Variants in PIEZO1 observed in about 807,000 individuals in gnomAD.
PIEZO1 encodes piezo type mechanosensitive ion channel component 1 (Er blood group).
PIEZO1 carries 296 observed loss-of-function variants against 297.2 expected under a neutral mutation model. The ratio of observed to expected loss-of-function variants is 1.00; its 90% CI spans 0.91 to 1.10. PIEZO1 has a LOEUF of 1.10. PIEZO1 is among the 50% of genes least tolerant of loss of function. The probability of loss-of-function intolerance (pLI) is 0.00; values close to 1 mark genes in which losing one functional copy is unlikely to be tolerated. For missense variants in PIEZO1, 5,018 were observed against 3,455.5 expected, an observed-to-expected ratio of 1.45 and a Z score of -11.34; for synonymous variants, 2,427 against 1,507.5, an observed-to-expected ratio of 1.61 and a Z score of -14.13.
rs767394155 is a variant in PIEZO1 at position 88,721,528 on chromosome 16, TCA to T, written c.5403+8_5403+9del. 21 of 1,546,924 alleles carry T rather than the reference TCA, an allele frequency of 1.4e-5. No homozygotes were observed. The East Asian group carries it at 4.4e-4, about 32-fold the overall frequency. The stretch of plus-strand genomic sequence containing the variant: ...CCAGCCCCGCATTGCCAGCCAAGGC[TCA>T]CACTCACCAGCAGCTGGGAGCGGTG... On this transcript the variant is annotated splice_region_variant and intron_variant, in intron 38 of 50. Coordinates refer to ENST00000301015, the MANE Select transcript of PIEZO1 (RefSeq NM_001142864.4).
rs142626188 is a variant in PIEZO1 at position 88,783,727 on chromosome 16, TC to T, written c.64+1173del. ...GAAGAGAGTTGCTCAAAACCTCTCC[TC>T]TCCAGCCTCAATGGTTTTCATTGAT... On this transcript the variant is annotated intron_variant, in intron 1 of 50. Coordinates refer to ENST00000301015, the MANE Select transcript of PIEZO1 (RefSeq NM_001142864.4). 1.9e-3 allele frequency among the ~76,000 whole-genome samples: 292 copies of T among 152,300 alleles called. 1 individual carries two copies. The highest frequency in any genetic ancestry group is 6.6e-3 in the African/African-American group (276 of 41,558).
At chr16:88,727,287 G>A (rs538682027) in intron 23 of PIEZO1, 95 bp from the exon 24 acceptor site, 65 of 1,356,636 alleles carry the variant, frequency 4.8e-5, no homozygotes, top group African/African-American at 3.1e-4. Context: ...GCCTGTCGGC[G>A]TGCAGCCGCT....
In PIEZO1 at chr16:88,723,275, C is replaced by T; in HGVS notation, c.4389G>A (p.Gln1463=). 4 of 1,542,754 alleles carry T rather than the reference C, an allele frequency of 2.6e-6. No homozygotes were observed. The highest frequency in any genetic ancestry group is 3.5e-6 in the Non-Finnish European group (4 of 1,146,796). The change falls in exon 32 of 51, where the codon CAG becomes CAA. Residue 1463 remains glutamine, a synonymous_variant. Coordinates refer to ENST00000301015, the MANE Select transcript of PIEZO1 (RefSeq NM_001142864.4). ...TNAQAVLRRR[Q]QEQEQARQEQ... ...CCTGCCTTGCCTGCTCCTGCTCCTG[C>T]TGCCGCCGCCTCAGCACCGCCTGGG...
chr16:88,783,775 C>G (rs1250145048), intron 1 of PIEZO1, among the ~76,000 whole-genome samples: 1 of 152,216 alleles, frequency 6.6e-6, no homozygotes, highest in East Asian at 1.9e-4. Flanking sequence ...AAATCTTCCC[C>G]AAGTTTCACC....
At chr16:88,743,267 C>T (rs779643218) in intron 2 of PIEZO1, 2 of 456,506 alleles carry the variant, frequency 4.4e-6, no homozygotes, top group African/African-American at 2.0e-5. Flanking sequence ...CACATGTGGA[C>T]AGCTCACCCT....
intron 12 of PIEZO1, 59 bp from the exon 13 acceptor site, chr16:88,735,305 G>T: frequency 8.1e-7 from 1 of 1,229,698 alleles, no homozygotes; most frequent in South Asian, 1.3e-5. Context: ...TCCCACAGCC[G>T]GGGGACCCAG....
intron 5 of PIEZO1, 106 bp downstream of exon 5, chr16:88,741,372 A>C (rs1905644162): frequency 5.4e-6 from 6 of 1,120,598 alleles, no homozygotes; most frequent in Non-Finnish European, 7.4e-6. Flanking sequence ...ACTTACAACC[A>C]AAACGTCTAC....
intron 1 of PIEZO1, among the ~76,000 whole-genome samples, chr16:88,782,393 T>C (rs1907975546): frequency 6.6e-6 from 1 of 152,208 alleles, no homozygotes; most frequent in African/African-American, 2.4e-5. Context: ...ATTACAGGTG[T>C]GAGCCATCGC....
intron 1 of PIEZO1, among the ~76,000 whole-genome samples, chr16:88,763,631 G>A (rs1402998684): frequency 1.3e-5 from 2 of 152,222 alleles, no homozygotes; most frequent in African/African-American, 4.8e-5. Flanking sequence ...CCAGGTCAGG[G>A]CAGCACTGGG....
At chr16:88,722,779 G>A (rs1904289881) in intron 34 of PIEZO1, 58 bp downstream of exon 34, 1 of 1,530,450 alleles carries the variant, frequency 6.5e-7, no homozygotes, top group Admixed American at 2.0e-5. Flanking sequence ...AGGCTGTTAA[G>A]CAGGCAGGGG....
At position 88,723,903 on chromosome 16, in the gene PIEZO1, C is replaced by T. The variant is rs1264101985; in HGVS notation, c.4303G>A (p.Asp1435Asn). The T allele has an allele frequency of 1.3e-6, 2 of 1,549,326 alleles. No individual in the cohort carries two copies. Among genetic ancestry groups the T allele is most frequent in the African/African-American group, 1.4e-5 (1 of 73,180 alleles). The change falls in exon 31 of 51, where the codon GAC becomes AAC. Residue 1435 changes from aspartate to asparagine, a missense_variant. Transcript: ENST00000301015. ...GCACTCTGTGCCGACGGCCTCGGGT[C>T]TTCAGGAACAGCCTCCTCCTCTTCC... ...SEEEEEAVPEDPRPSAQSAFQ... is the reference protein window; with the variant it reads ...SEEEEEAVPENPRPSAQSAFQ...
Position 88,757,927 on chromosome 16 carries a change from C to T in PIEZO1, c.65-8448G>A, listed in dbSNP as rs539447927. The stretch of plus-strand genomic sequence containing the variant: ...GGCCAGTTATCACAGATTTCACAGA[C>T]TCCAGCCAGCCTCAGAAGGTGCCAC... On this transcript the variant is annotated intron_variant, in intron 1 of 50. Coordinates refer to ENST00000301015, the MANE Select transcript of PIEZO1 (RefSeq NM_001142864.4). Among the ~76,000 whole-genome samples, 13 of 152,324 alleles carry T rather than the reference C, an allele frequency of 8.5e-5. No homozygotes were observed. The East Asian group carries it at 2.3e-3, about 27-fold the overall frequency.
chr16:88,727,588 G>T lies in PIEZO1; in HGVS notation c.3270C>A (p.Phe1090Leu), dbSNP rs916140880. ...ALIKWLYLPD[F>L]FRAPNSTNLI... ...GGTTGGTGGAGTTGGGGGCCCGGAA[G>T]AAATCAGGCAGGTACAGCCACTTGA... The change falls in exon 23 of 51, where the codon TTC (phenylalanine) becomes TTA (leucine). Residue 1090 changes from phenylalanine (F) to leucine (L), a missense_variant. Phe to Leu is a conservative substitution (Grantham distance 22). Transcript: ENST00000301015. 2.0e-6 allele frequency: 3 copies of T among 1,533,614 alleles called. No homozygotes were observed. Among genetic ancestry groups the T allele is most frequent in the South Asian group, 1.2e-5 (1 of 82,694 alleles).
rs778170300 is a variant in PIEZO1, at chr16:88,741,437, G to C, written c.465+41C>G. ...CAAAATGGCTGAGACCACAGCTCTC[G>C]AATGACCTCCCTGACACACGGGTGA... On this transcript the variant is annotated intron_variant, in intron 5 of 50. Transcript: ENST00000301015. 1.4e-5 allele frequency: 21 copies of C among 1,493,468 alleles called. No homozygotes were observed. In the South Asian group the frequency reaches 2.2e-4, roughly 16 times the overall value. 92.5% of individuals were successfully genotyped at this position (1,493,468 alleles called of 1,614,324 possible).
chr16:88,719,678 C>T lies in PIEZO1; in HGVS notation c.6367G>A (p.Asp2123Asn). 1 of 1,553,130 alleles carries T rather than the reference C, an allele frequency of 6.4e-7. No individual in the cohort carries two copies. Among genetic ancestry groups the T allele is most frequent in the Non-Finnish European group, 8.7e-7 (1 of 1,148,496 alleles). The part of the protein sequence containing the change: ...PFLVELRAVM[D>N]WVWTDTTLSL... ...AGCGTGGTGTCCGTCCACACCCAGT[C>T]CATCACTGCCCGCAGCTCCACCAGG... The change falls in exon 44 of 51, where the codon GAC (aspartate) becomes AAC (asparagine). Residue 2123 changes from aspartate to asparagine, a missense_variant. Asp to Asn is a conservative substitution (Grantham distance 23). Transcript: ENST00000301015.
intron 1 of PIEZO1, among the ~76,000 whole-genome samples, chr16:88,750,201 T>A (rs1906315098): frequency 6.6e-6 from 1 of 151,950 alleles, no homozygotes; most frequent in East Asian, 1.9e-4. Flanking sequence ...CTGGGTGTGG[T>A]GGCGGGCACC....
At chr16:88,769,472 C>T (rs1400301566) in intron 1 of PIEZO1, among the ~76,000 whole-genome samples, 1 of 152,224 alleles carries the variant, frequency 6.6e-6, no homozygotes, top group Non-Finnish European at 1.5e-5. Context: ...ACACCATCCT[C>T]GCATTTTCCT....
chr16:88,719,748 G>C, intron 43 of PIEZO1, 27 bp from the exon 44 acceptor site: 11 of 1,550,342 alleles, frequency 7.1e-6, no homozygotes, highest in Non-Finnish European at 9.6e-6. Flanking sequence ...TTCCCGTCAG[G>C]TGGGCTCCCT....
rs774233361 is a variant in PIEZO1, at chr16:88,717,026, A to G, written c.6657T>C (p.Tyr2219=). ...AGGCGGACCCACACATGCTCACCTCATAGCCGCCCAGCTTCAGGGTGACGG... is the reference window on the plus strand; with the variant it reads ...AGGCGGACCCACACATGCTCACCTCGTAGCCGCCCAGCTTCAGGGTGACGG... ...DVTVTLKLGG[Y]EPLFTMSAQQ... is the part of the protein sequence containing the mutation. Residue 2219 remains tyrosine (Y), a synonymous_variant, in exon 45 of 51, where the codon TAT becomes TAC. Coordinates refer to ENST00000301015, the MANE Select transcript of PIEZO1 (RefSeq NM_001142864.4). 33 of 1,550,504 alleles carry G rather than the reference A, an allele frequency of 2.1e-5. No homozygotes were observed. In the African/African-American group the frequency reaches 3.3e-4, roughly 15 times the overall value.
Sources: allele counts gnomAD v4.1 joint callset (sites outside exome capture counted in the v4.1 genomes callset), GRCh38; gene constraint gnomAD v4.1.1; transcripts MANE v1.5; gene names NCBI Gene and HGNC (gene_info 2026-07-23, HGNC 2026-07-21).